CCSER1: variants seen among roughly 807,000 people sequenced by gnomAD.
CCSER1 encodes serine-rich coiled-coil domain-containing protein 1.
A neutral mutation model predicts 82.0 loss-of-function variants in CCSER1; 41 were observed. The observed-to-expected ratio is 0.50, with a 90% CI of 0.39 to 0.65. The LOEUF (loss-of-function observed/expected upper bound fraction) is 0.65, where lower values mean the gene tolerates loss of function less well. Among genes scored for constraint, CCSER1 ranks in the 30% least tolerant of loss-of-function variants. The probability of loss-of-function intolerance (pLI) is 0.00; values close to 1 mark genes in which losing one functional copy is unlikely to be tolerated. For missense variants in CCSER1, 1,119 were observed against 1,064.2 expected, an observed-to-expected ratio of 1.05 and a Z score of -0.72; for synonymous variants, 414 against 383.9, an observed-to-expected ratio of 1.08 and a Z score of -0.92.
intron 8 of CCSER1, among the ~76,000 whole-genome samples, chr4:90,834,260 A>G (rs1353884404): frequency 6.6e-6 from 1 of 152,220 alleles, no homozygotes; most frequent in East Asian, 1.9e-4. Context: ...ATAAAATCCA[A>G]AGTGAATAAT....
intron 10 of CCSER1, among the ~76,000 whole-genome samples, chr4:91,452,948 A>C (rs978159728): frequency 6.6e-6 from 1 of 152,116 alleles, no homozygotes; most frequent in Non-Finnish European, 1.5e-5. Flanking sequence ...TTGTTCAAAT[A>C]ATCCTCAAGA....
intron 5 of CCSER1, among the ~76,000 whole-genome samples, chr4:90,601,169 G>T (rs1213499001): frequency 6.6e-6 from 1 of 151,758 alleles, no homozygotes; most frequent in Non-Finnish European, 1.5e-5. Context: ...TATTTCATAG[G>T]CTAGAGTCTT....
intron 10 of CCSER1, among the ~76,000 whole-genome samples, chr4:91,183,116 A>G (rs766909009): frequency 6.6e-6 from 1 of 152,266 alleles, no homozygotes; most frequent in Non-Finnish European, 1.5e-5. Flanking sequence ...AAATGGGTGC[A>G]TTCTACTTCT....
At chr4:90,640,760 G>A (rs1391154017) in intron 6 of CCSER1, among the ~76,000 whole-genome samples, 1 of 152,076 alleles carries the variant, frequency 6.6e-6, no homozygotes. Flanking sequence ...CTTTCGCTCT[G>A]CACTTCTCCT....
chr4:90,127,427 A>G lies in CCSER1; in HGVS notation c.-446A>G, dbSNP rs554204056. On this transcript the variant is annotated 5_prime_UTR_variant, in exon 1 of 11. Transcript: ENST00000509176. ...GGAGCGCGGCCTGCCGGGGAGGTGG[A>G]TCTCGCGCTCCCCACACAGTCACAC... 5 of 152,150 alleles carry G rather than the reference A, an allele frequency of 3.3e-5. No individual in the cohort carries two copies. Among genetic ancestry groups the G allele is most frequent in the South Asian group, 2.1e-4 (1 of 4,786 alleles). The allele number at this position is 152,150 out of a possible 1,614,324, so 9.4% of individuals were successfully genotyped here. A position where few individuals can be genotyped will look rare whatever the true frequency, so the allele number is the denominator to read the frequency against.
chr4:90,483,177 C>A (rs566772287), intron 5 of CCSER1, among the ~76,000 whole-genome samples: 11 of 152,042 alleles, frequency 7.2e-5, no homozygotes, highest in Admixed American at 2.0e-4. Flanking sequence ...CTGTTTTATC[C>A]GAGACTAGGA....
intron 4 of CCSER1, among the ~76,000 whole-genome samples, chr4:90,401,517 A>G (rs1181562414): frequency 1.3e-5 from 2 of 152,124 alleles, no homozygotes; most frequent in Admixed American, 6.5e-5. Flanking sequence ...GCATTATTGT[A>G]AGGATATATT....
chr4:91,387,380 TG>T (rs1751365097), intron 10 of CCSER1, among the ~76,000 whole-genome samples: 1 of 152,004 alleles, frequency 6.6e-6, no homozygotes, highest in South Asian at 2.1e-4. Flanking sequence ...ATTAGATTTC[TG>T]TCATTTAGTC....
intron 8 of CCSER1, among the ~76,000 whole-genome samples, chr4:90,851,798 A>G (rs538181842): frequency 6.6e-6 from 1 of 152,236 alleles, no homozygotes; most frequent in South Asian, 2.1e-4. Flanking sequence ...TTAAATTTTG[A>G]CCACTAGCTT....
chr4:91,441,841 T>A (rs1755177781), intron 10 of CCSER1, among the ~76,000 whole-genome samples: 1 of 75,268 alleles, frequency 1.3e-5, no homozygotes, highest in East Asian at 7.4e-4. Flanking sequence ...ACACACAGAG[T>A]GCCAAATTAT....
chr4:90,482,029 A>G (rs1312543607), intron 5 of CCSER1, among the ~76,000 whole-genome samples: 2 of 152,186 alleles, frequency 1.3e-5, no homozygotes, highest in Non-Finnish European at 2.9e-5. Flanking sequence ...TAAGCTATTA[A>G]TTATAGCCTC....
intron 7 of CCSER1, among the ~76,000 whole-genome samples, chr4:90,801,189 A>C (rs1280773656): frequency 2.6e-5 from 4 of 152,206 alleles, no homozygotes; most frequent in Non-Finnish European, 5.9e-5. Context: ...GTAGGACTTC[A>C]GTGAATTTTG....
chr4:91,417,218 C>T (rs1463723113), intron 10 of CCSER1, among the ~76,000 whole-genome samples: 1 of 151,086 alleles, frequency 6.6e-6, no homozygotes, highest in African/African-American at 2.4e-5. Flanking sequence ...CAGATGCTGG[C>T]ACAGCTGTGT....
At chr4:90,994,578 A>C (rs1357308777) in intron 9 of CCSER1, among the ~76,000 whole-genome samples, 2 of 135,814 alleles carry the variant, frequency 1.5e-5, no homozygotes, top group Admixed American at 8.1e-5. Flanking sequence ...AAAACGTATG[A>C]GTCTATTTTC....
chr4:91,310,569 A>G (rs977539051), intron 10 of CCSER1, among the ~76,000 whole-genome samples: 4 of 151,136 alleles, frequency 2.6e-5, no homozygotes, highest in African/African-American at 9.7e-5. Context: ...GCTCTGGTCT[A>G]TCTCACTTCC....
intron 9 of CCSER1, among the ~76,000 whole-genome samples, chr4:90,959,922 G>C (rs780664187): frequency 4.6e-5 from 7 of 152,118 alleles, no homozygotes; most frequent in Middle Eastern, 3.4e-3. Flanking sequence ...TACTGCGTCT[G>C]CTTCAATCTA....
chr4:91,538,698 C>CATATATTATGTGTATATATATATTATAT, intron 10 of CCSER1, among the ~76,000 whole-genome samples: 8 of 138,308 alleles, frequency 5.8e-5, no homozygotes, highest in South Asian at 2.3e-4. Context: ...TATATATACA[C>CATATATTATGTGTATATATATATTATAT]ATATATATAT....
intron 8 of CCSER1, among the ~76,000 whole-genome samples, chr4:90,841,597 A>G (rs186218542): frequency 0.084 from 12,558 of 150,130 alleles, 580 homozygotes; most frequent in Admixed American, 0.13. Context: ...AAAAAAAAAA[A>G]AGAAGAAGAA....
At chr4:90,463,548 C>A (rs554972217) in intron 4 of CCSER1, among the ~76,000 whole-genome samples, 106 of 152,206 alleles carry the variant, frequency 7.0e-4, no homozygotes, top group Non-Finnish European at 1.2e-3. Context: ...ATAATGTATT[C>A]TTTTGCTAGG....
Sources: allele counts gnomAD v4.1 joint callset (sites outside exome capture counted in the v4.1 genomes callset), GRCh38; gene constraint gnomAD v4.1.1; transcripts MANE v1.5; gene names NCBI Gene and HGNC (gene_info 2026-07-23, HGNC 2026-07-21).